HMBOX1: variants seen among roughly 807,000 people sequenced by gnomAD.
HMBOX1 encodes the protein homeobox-containing protein 1.
Under a neutral mutation model 54.5 loss-of-function variants are expected in HMBOX1, and 14 were observed. That is an observed-to-expected ratio of 0.26 (90% confidence interval 0.17 to 0.40). The LOEUF (loss-of-function observed/expected upper bound fraction) is 0.40. Among genes scored for constraint, HMBOX1 ranks in the 10% least tolerant of loss-of-function variants. HMBOX1 has a pLI of 1.00. For synonymous variants in HMBOX1, 160 were observed against 181.0 expected (o/e 0.88, Z 0.93); for missense variants, 332 against 514.4 (o/e 0.65, Z 3.43).
At chr8:29,023,479 C>G (rs1378826969) in intron 6 of HMBOX1, among the ~76,000 whole-genome samples, 1 of 152,120 alleles carries the variant, frequency 6.6e-6, no homozygotes, top group Non-Finnish European at 1.5e-5. Flanking sequence ...CATAGCTCAC[C>G]ACAGCCTCAA....
chr8:29,033,274 G>C (rs1008418607), intron 6 of HMBOX1, among the ~76,000 whole-genome samples: 6 of 152,172 alleles, frequency 3.9e-5, no homozygotes, highest in Admixed American at 2.0e-4. Context: ...GCCGGAAGTT[G>C]TATTTTAAAA....
At chr8:28,976,385 TATTG>T (rs1033305677) in intron 3 of HMBOX1, among the ~76,000 whole-genome samples, 9 of 152,044 alleles carry the variant, frequency 5.9e-5, no homozygotes, top group Non-Finnish European at 1.2e-4. Flanking sequence ...GTGAAGGGAG[TATTG>T]ATGCTTTTTG....
chr8:28,892,649 T>A (rs1811247132), intron 1 of HMBOX1, among the ~76,000 whole-genome samples: 1 of 152,158 alleles, frequency 6.6e-6, no homozygotes, highest in South Asian at 2.1e-4. Flanking sequence ...CCTCTAACCA[T>A]TGATTTAAAA....
intron 4 of HMBOX1, among the ~76,000 whole-genome samples, chr8:28,987,610 CTAT>C (rs1476929690): frequency 6.6e-5 from 10 of 152,126 alleles, no homozygotes; most frequent in South Asian, 4.1e-4. Flanking sequence ...AAGAATTATC[CTAT>C]TAACTCTTAA....
At chr8:29,009,871 C>G in intron 5 of HMBOX1, 1 of 1,151,606 alleles carries the variant, frequency 8.7e-7, no homozygotes, top group Non-Finnish European at 1.1e-6. Context: ...TCAATCTATA[C>G]TTTACACAGG....
intron 4 of HMBOX1, among the ~76,000 whole-genome samples, chr8:29,005,919 G>A (rs1833385567): frequency 6.6e-6 from 1 of 151,642 alleles, no homozygotes; most frequent in Admixed American, 6.6e-5. Context: ...TCATATAGTG[G>A]TAGTTTATCT....
At chr8:29,037,624 T>G (rs1410846794) in intron 6 of HMBOX1, among the ~76,000 whole-genome samples, 1 of 152,224 alleles carries the variant, frequency 6.6e-6, no homozygotes, top group Non-Finnish European at 1.5e-5. Flanking sequence ...ATGCCAGATA[T>G]GTAGTTTTAT....
intron 3 of HMBOX1, among the ~76,000 whole-genome samples, chr8:28,974,920 G>A (rs1828118044): frequency 6.6e-6 from 1 of 152,118 alleles, no homozygotes; most frequent in Admixed American, 6.5e-5. Context: ...TGAAAATATG[G>A]AAGATCTTAA....
intron 4 of HMBOX1, among the ~76,000 whole-genome samples, chr8:28,999,516 T>A (rs1487995876): frequency 6.6e-6 from 1 of 152,194 alleles, no homozygotes; most frequent in Admixed American, 6.5e-5. Flanking sequence ...TATATGTGTA[T>A]GTTGGTAAGC....
chr8:29,015,421 T>C (rs2132938070), intron 5 of HMBOX1, among the ~76,000 whole-genome samples: 1 of 152,328 alleles, frequency 6.6e-6, no homozygotes, highest in South Asian at 2.1e-4. Flanking sequence ...TTTCTACCTT[T>C]ATCTTGATCA....
At chr8:28,923,835 G>A (rs1218739036) in intron 1 of HMBOX1, among the ~76,000 whole-genome samples, 1 of 151,894 alleles carries the variant, frequency 6.6e-6, no homozygotes, top group African/African-American at 2.4e-5. Flanking sequence ...TCTCATTGAG[G>A]TTTTGATTTG....
At chr8:29,002,668 T>C (rs1225381496) in intron 4 of HMBOX1, among the ~76,000 whole-genome samples, 1 of 152,242 alleles carries the variant, frequency 6.6e-6, no homozygotes, top group African/African-American at 2.4e-5. Flanking sequence ...ATTTCTCTTA[T>C]GGAAACATTT....
At chr8:28,929,549 C>T (rs1040525732) in intron 1 of HMBOX1, among the ~76,000 whole-genome samples, 1 of 152,106 alleles carries the variant, frequency 6.6e-6, no homozygotes, top group Non-Finnish European at 1.5e-5. Flanking sequence ...GTGTAAGATA[C>T]TAAAATAGCT....
intron 1 of HMBOX1, among the ~76,000 whole-genome samples, chr8:28,898,120 C>G (rs923994758): frequency 1.3e-5 from 2 of 152,098 alleles, no homozygotes; most frequent in Admixed American, 1.3e-4. Context: ...CGGAAGTCTG[C>G]TTTAAACAGG....
intron 1 of HMBOX1, among the ~76,000 whole-genome samples, chr8:28,963,054 G>T (rs569026938): frequency 6.6e-6 from 1 of 152,104 alleles, no homozygotes; most frequent in African/African-American, 2.4e-5. Flanking sequence ...GTGCGATCTC[G>T]GTTCACTGCA....
intron 3 of HMBOX1, among the ~76,000 whole-genome samples, chr8:28,976,738 A>G (rs10113199): frequency 0.034 from 4,452 of 131,716 alleles, 221 homozygotes; most frequent in African/African-American, 0.12. Context: ...ATGGAGTCTC[A>G]CTTTGTCACC....
chr8:29,012,418 T>C lies in HMBOX1; in HGVS notation c.697+3236T>C, dbSNP rs76921891. On this transcript the variant is annotated intron_variant, in intron 5 of 9. Coordinates refer to ENST00000287701, the MANE Select transcript of HMBOX1 (RefSeq NM_001135726.3). ...GGCACATCTGTACAATGGAATCTTA[T>C]GGAGCCATATAACTACTTTTTGAAG... 5.7e-3 allele frequency among the ~76,000 whole-genome samples: 870 copies of C among 152,338 alleles called. 4 individuals are homozygous for C. Among genetic ancestry groups the C allele is most frequent in the African/African-American group, 0.02 (845 of 41,566 alleles).
intron 4 of HMBOX1, among the ~76,000 whole-genome samples, chr8:28,997,751 A>G (rs1197153145): frequency 1.3e-5 from 2 of 151,946 alleles, no homozygotes; most frequent in African/African-American, 4.8e-5. Flanking sequence ...GTGTCTTCCT[A>G]TGTTGCCCAG....
chr8:29,045,449 G>T lies in HMBOX1; in HGVS notation c.934+6G>T, dbSNP rs1805429453. On this transcript the variant is annotated splice_donor_region_variant and intron_variant, in intron 7 of 9. Transcript: ENST00000287701. ...TGCAGTTATACAGAAGCCAGGTAAG[G>T]TCGCAGGCACAGCCTTGCTCTGCGG... The T allele has an allele frequency of 6.2e-7, 1 of 1,612,400 alleles. No individual in the cohort carries two copies. Among genetic ancestry groups the T allele is most frequent in the Middle Eastern group, 1.6e-4 (1 of 6,078 alleles).
Sources: gnomAD v4.1 joint callset for allele counts (sites outside exome capture counted in the v4.1 genomes callset) on GRCh38, gnomAD v4.1.1 for gene constraint, MANE v1.5 for transcripts, NCBI Gene and HGNC (gene_info 2026-07-23, HGNC 2026-07-21) for gene names.